XRCC5: variants seen among roughly 807,000 people sequenced by gnomAD.
XRCC5 encodes the protein DNA repair protein Ku80.
Under a neutral mutation model 95.7 loss-of-function variants are expected in XRCC5, and 12 were observed. The observed-to-expected ratio is 0.13, with a 90% CI of 0.08 to 0.20. The LOEUF is 0.20. Among genes scored for constraint, XRCC5 ranks in the 10% least tolerant of loss-of-function variants. The probability of loss-of-function intolerance (pLI) is 1.00; values close to 1 mark genes in which losing one functional copy is unlikely to be tolerated. For missense variants in XRCC5, 595 were observed against 873.9 expected, an observed-to-expected ratio of 0.68 and a Z score of 4.02; for synonymous variants, 281 against 290.3, an observed-to-expected ratio of 0.97 and a Z score of 0.33.
intron 16 of XRCC5, among the ~76,000 whole-genome samples, chr2:216,171,844 CTTA>C (rs1397837291): frequency 6.6e-6 from 1 of 152,170 alleles, no homozygotes. Flanking sequence ...ATAAATTGCA[CTTA>C]TTAATTCTAC....
At chr2:216,124,558 C>G (rs1696874058) in intron 6 of XRCC5, among the ~76,000 whole-genome samples, 1 of 152,178 alleles carries the variant, frequency 6.6e-6, no homozygotes, top group South Asian at 2.1e-4. Flanking sequence ...CAGACCCATT[C>G]ATTCCTCAGC....
rs141246854 is a variant in XRCC5 at position 216,135,955 on chromosome 2, G to A, written c.1114-1133G>A. ...AAGTTTAGGTTTTAGTCTTGTCGTG[G>A]TGAATGTGAACAGTTCATACTGAAC... On this transcript the variant is annotated intron_variant, in intron 10 of 20. Transcript: ENST00000392132. 2.0e-3 allele frequency among the ~76,000 whole-genome samples: 310 copies of A among 152,286 alleles called. 4 individuals are homozygous for A. Among genetic ancestry groups the A allele is most frequent in the African/African-American group, 7.0e-3 (290 of 41,558 alleles).
intron 16 of XRCC5, among the ~76,000 whole-genome samples, chr2:216,181,509 G>A (rs961782975): frequency 6.6e-6 from 1 of 152,020 alleles, no homozygotes. Flanking sequence ...TTGCAGCATC[G>A]GCTTTCTAAA....
intron 1 of XRCC5, among the ~76,000 whole-genome samples, chr2:216,111,996 G>A (rs555297245): frequency 1.3e-5 from 2 of 152,240 alleles, no homozygotes; most frequent in Admixed American, 6.5e-5. Flanking sequence ...ATATTTAGGC[G>A]ATGAAGTAAG....
intron 2 of XRCC5, among the ~76,000 whole-genome samples, chr2:216,113,637 A>G (rs141820665): frequency 6.6e-6 from 1 of 152,270 alleles, no homozygotes; most frequent in African/African-American, 2.4e-5. Flanking sequence ...CGCAGTTGCA[A>G]TCAGATGGCA....
chr2:216,123,087 C>T (rs1696839247), intron 6 of XRCC5, among the ~76,000 whole-genome samples: 1 of 152,120 alleles, frequency 6.6e-6, no homozygotes, highest in South Asian at 2.1e-4. Flanking sequence ...GGTTCAAATT[C>T]TCAGGGGTAA....
intron 13 of XRCC5, among the ~76,000 whole-genome samples, chr2:216,146,496 G>GT (rs899408410): frequency 2.7e-4 from 41 of 151,838 alleles, no homozygotes; most frequent in South Asian, 4.2e-4. Flanking sequence ...TGTTTTGTTT[G>GT]TTTTTTTTAG....
At chr2:216,114,907 A>G (rs12470537) in intron 2 of XRCC5, among the ~76,000 whole-genome samples, 15 of 152,080 alleles carry the variant, frequency 9.9e-5, no homozygotes, top group African/African-American at 1.7e-4. Context: ...CCTCTTAAGC[A>G]GTAGCAGGGC....
intron 13 of XRCC5, among the ~76,000 whole-genome samples, chr2:216,144,726 T>A (rs1223030408): frequency 6.6e-6 from 1 of 152,214 alleles, no homozygotes; most frequent in Non-Finnish European, 1.5e-5. Flanking sequence ...CAAACAGGGT[T>A]GCAGAGCCTA....
chr2:216,156,367 T>A, intron 14 of XRCC5: 1 of 733,930 alleles, frequency 1.4e-6, no homozygotes, highest in Non-Finnish European at 2.5e-6. Context: ...TGTTGTGGGG[T>A]CTTTGGGCAA....
At chr2:216,151,932 T>C (rs1258619838) in intron 14 of XRCC5, among the ~76,000 whole-genome samples, 1 of 152,154 alleles carries the variant, frequency 6.6e-6, no homozygotes, top group Non-Finnish European at 1.5e-5. Flanking sequence ...CTTACAATCA[T>C]GGCAGAAGGC....
At position 216,167,570 on chromosome 2, in the gene XRCC5, T is replaced by TTGTGTGTGTGTGTG. The variant is rs58499938; in HGVS notation, c.1834+5553_1834+5566dup. Among the ~76,000 whole-genome samples the TTGTGTGTGTGTGTG allele has an allele frequency of 6.5e-5, 9 of 138,498 alleles. No individual in the cohort carries two copies. The East Asian group carries it at 1.1e-3, about 17-fold the overall frequency. The allele number at this position is 138,498 out of a possible 152,430, so 90.9% of individuals were successfully genotyped here. ...ATCTCTCTCGTGTGTGTGTGTGGGT[T>TTGTGTGTGTGTGTG]TGTGTGTGTGTGTGTGTGTGTGTGT... On this transcript the variant is annotated intron_variant, in intron 16 of 20. Coordinates refer to ENST00000392132, the MANE Select transcript of XRCC5 (RefSeq NM_021141.4).
At chr2:216,183,325 C>T (rs1261639032) in intron 16 of XRCC5, among the ~76,000 whole-genome samples, 1 of 152,086 alleles carries the variant, frequency 6.6e-6, no homozygotes, top group Admixed American at 6.5e-5. Context: ...TTTAACACAT[C>T]AATGAAAAGG....
rs1184535000 is a variant in XRCC5 at position 216,205,318 on chromosome 2, C to T, written c.*116C>T. 4 of 1,274,296 alleles carry T rather than the reference C, an allele frequency of 3.1e-6. No homozygotes were observed. Among genetic ancestry groups the T allele is most frequent in the Non-Finnish European group, 4.6e-6 (4 of 871,716 alleles). 78.9% of individuals were successfully genotyped at this position (1,274,296 alleles called of 1,614,324 possible). A position where few individuals can be genotyped will look rare whatever the true frequency, so the allele number is the denominator to read the frequency against. ...AGCCAAAATCTCAAGAAATTCCCAG[C>T]AGGTTACCTGGAGGCGGATCATCTA... is the stretch of plus-strand genomic sequence containing the variant. On this transcript the variant is annotated 3_prime_UTR_variant, in exon 21 of 21. Coordinates refer to ENST00000392132, the MANE Select transcript of XRCC5 (RefSeq NM_021141.4).
chr2:216,190,381 A>G (rs369070669), intron 17 of XRCC5, 47 bp downstream of exon 17: 211 of 1,540,772 alleles, frequency 1.4e-4, no homozygotes, highest in Non-Finnish European at 1.7e-4. Flanking sequence ...GTTGGCGACT[A>G]TCACAGGGAA....
intron 15 of XRCC5, among the ~76,000 whole-genome samples, chr2:216,160,442 T>G (rs1384809835): frequency 3.3e-5 from 5 of 152,190 alleles, no homozygotes; most frequent in Admixed American, 2.6e-4. Flanking sequence ...GTTGGCATTA[T>G]TTTGCAGCTT....
intron 16 of XRCC5, among the ~76,000 whole-genome samples, chr2:216,173,348 G>GT (rs1689206241): frequency 2.6e-5 from 4 of 152,052 alleles, no homozygotes; most frequent in Non-Finnish European, 1.5e-5. Context: ...GATGTTAGTT[G>GT]TAAGTTTTAC....
At chr2:216,117,056 C>T in intron 3 of XRCC5, 1 of 585,420 alleles carries the variant, frequency 1.7e-6, no homozygotes, top group Admixed American at 3.0e-5. Context: ...CTTCCCTGTT[C>T]TCTGCATGGG....
intron 14 of XRCC5, among the ~76,000 whole-genome samples, chr2:216,153,896 A>G (rs374580968): frequency 3.9e-5 from 6 of 152,308 alleles, no homozygotes; most frequent in African/African-American, 1.4e-4. Flanking sequence ...AGGCCCCTCC[A>G]GTTCAGTAAG....
Sources: allele counts gnomAD v4.1 joint callset (sites outside exome capture counted in the v4.1 genomes callset), GRCh38; gene constraint gnomAD v4.1.1; transcripts MANE v1.5; gene names NCBI Gene and HGNC (gene_info 2026-07-23, HGNC 2026-07-21).